Variants in ARHGAP29 observed in about 807,000 individuals in gnomAD.
ARHGAP29 encodes the protein rho GTPase-activating protein 29.
Under a neutral mutation model 122.6 loss-of-function variants are expected in ARHGAP29, and 43 were observed. That is an observed-to-expected ratio of 0.35 (90% CI 0.27 to 0.45). The LOEUF is 0.45. ARHGAP29 is among the 20% of genes least tolerant of loss of function. The pLI is 1.00. For missense variants in ARHGAP29, 1,303 were observed against 1,477.2 expected (o/e 0.88, Z 1.93); for synonymous variants, 506 against 497.1 (o/e 1.02, Z -0.24).
At chr1:94,212,868 T>C (rs1651726725) in intron 3 of ARHGAP29, among the ~76,000 whole-genome samples, 1 of 152,188 alleles carries the variant, frequency 6.6e-6, no homozygotes, top group Non-Finnish European at 1.5e-5. Flanking sequence ...TAAATATACC[T>C]ACTCTTTCCT....
intron 12 of ARHGAP29, among the ~76,000 whole-genome samples, chr1:94,200,968 C>T (rs1359377932): frequency 6.6e-6 from 1 of 152,084 alleles, no homozygotes; most frequent in Non-Finnish European, 1.5e-5. Flanking sequence ...GCAGTACTTA[C>T]ACAAATTTGT....
chr1:94,237,505 T>A lies in ARHGAP29; in HGVS notation c.-123A>T. ...CGAGGGCTGGAGCTCGCTGCCCCCA[T>A]CCCCCACGGCCTGCGGACGCCCGGC... On this transcript the variant is annotated 5_prime_UTR_variant, in exon 1 of 23. An upstream start codon of the reference 5' UTR is lost. Coordinates refer to ENST00000260526, the MANE Select transcript of ARHGAP29 (RefSeq NM_004815.4). The A allele has an allele frequency of 2.0e-6, 2 of 987,906 alleles. No homozygotes were observed. Among genetic ancestry groups the A allele is most frequent in the South Asian group, 9.0e-5 (2 of 22,220 alleles). The allele number at this position is 987,906 out of a possible 1,614,324, so 61.2% of individuals were successfully genotyped here.
chr1:94,199,917 G>T (rs1466466020), intron 12 of ARHGAP29, among the ~76,000 whole-genome samples: 3 of 152,078 alleles, frequency 2.0e-5, no homozygotes, highest in Non-Finnish European at 4.4e-5. Flanking sequence ...CATCCTGTGG[G>T]TATAATTTTA....
the ARHGAP29 span, among the ~76,000 whole-genome samples, chr1:94,282,898 A>G: frequency 5.3e-5 from 8 of 152,328 alleles, no homozygotes; most frequent in Admixed American, 4.6e-4. Context: ...GTGAATCTAA[A>G]TAACTCAAGT....
At chr1:94,192,329 T>G (rs1157108203) in intron 12 of ARHGAP29, 1 of 152,164 alleles carries the variant, frequency 6.6e-6, no homozygotes, top group Non-Finnish European at 1.5e-5. Context: ...TGCCCTCTTT[T>G]CCAGCCCATG....
chr1:94,171,177 T>C lies in ARHGAP29; in HGVS notation c.*2692A>G, dbSNP rs187403734. Among the ~76,000 whole-genome samples the C allele has an allele frequency of 2.5e-4, 38 of 152,210 alleles. No homozygotes were observed. Among genetic ancestry groups the C allele is most frequent in the Non-Finnish European group, 5.3e-4 (36 of 68,032 alleles). On this transcript the variant is annotated 3_prime_UTR_variant, in exon 23 of 23. Transcript: ENST00000260526. ...ATAGCTGGGAATAGTGTAGCCATAG[T>C]ACCATCTTTAAATCACCCAAATAAC...
the ARHGAP29 span, among the ~76,000 whole-genome samples, chr1:94,288,314 C>T: frequency 5.6e-3 from 852 of 152,230 alleles, 5 homozygotes; most frequent in Non-Finnish European, 8.2e-3. Context: ...AGTGTCTGTT[C>T]GTATCCTTTG....
intron 1 of ARHGAP29, among the ~76,000 whole-genome samples, chr1:94,269,731 G>T (rs1654917647): frequency 6.6e-6 from 1 of 152,184 alleles, no homozygotes; most frequent in Non-Finnish European, 1.5e-5. Context: ...CATTGTTAAA[G>T]GTGCTGGGGG....
intron 1 of ARHGAP29, among the ~76,000 whole-genome samples, chr1:94,248,895 T>A (rs896724738): frequency 1.3e-5 from 2 of 152,182 alleles, no homozygotes; most frequent in African/African-American, 4.8e-5. Context: ...TTATGTTTTG[T>A]GGAGATGGAG....
the ARHGAP29 span, among the ~76,000 whole-genome samples, chr1:94,291,380 A>T: frequency 6.6e-6 from 1 of 152,318 alleles, no homozygotes; most frequent in East Asian, 1.9e-4. Flanking sequence ...AATACAGCAC[A>T]CTGATGGGTC....
intron 19 of ARHGAP29, 57 bp from the exon 20 acceptor site, chr1:94,180,014 A>T (rs1649355083): frequency 8.8e-7 from 1 of 1,140,926 alleles, no homozygotes; most frequent in Non-Finnish European, 1.2e-6. Flanking sequence ...TTAATAATCA[A>T]CTATTACTAA....
upstream of ARHGAP29, among the ~76,000 whole-genome samples, chr1:94,238,064 T>A (rs1570590560): frequency 7.2e-6 from 1 of 138,314 alleles, no homozygotes; most frequent in Non-Finnish European, 1.6e-5. Context: ...TTTTTTTTTT[T>A]TTTTTTTTTT....
the ARHGAP29 span, among the ~76,000 whole-genome samples, chr1:94,293,248 C>T: frequency 0.048 from 7,242 of 152,286 alleles, 606 homozygotes; most frequent in African/African-American, 0.17. Flanking sequence ...GCTGCGCTGG[C>T]AGCGAGCAAG....
intron 1 of ARHGAP29, among the ~76,000 whole-genome samples, 181 bp downstream of exon 1, chr1:94,237,234 G>A (rs573734059): frequency 2.0e-5 from 3 of 152,136 alleles, no homozygotes; most frequent in South Asian, 2.1e-4. Flanking sequence ...GACCCTTCCC[G>A]TGGACTCCAG....
intron 1 of ARHGAP29, among the ~76,000 whole-genome samples, chr1:94,268,117 AGT>A (rs946467208): frequency 6.6e-6 from 1 of 152,174 alleles, no homozygotes; most frequent in Non-Finnish European, 1.5e-5. Context: ...TTTTAAAATT[AGT>A]GTGTCTGTTT....
At chr1:94,221,470 T>C (rs913469844) in intron 2 of ARHGAP29, among the ~76,000 whole-genome samples, 1 of 151,732 alleles carries the variant, frequency 6.6e-6, no homozygotes, top group Non-Finnish European at 1.5e-5. Flanking sequence ...TGGGTCATAC[T>C]CATTTAGTAT....
At chr1:94,265,564 C>G (rs961698728) in intron 1 of ARHGAP29, among the ~76,000 whole-genome samples, 4 of 152,208 alleles carry the variant, frequency 2.6e-5, no homozygotes, top group Admixed American at 2.0e-4. Context: ...ACTGAAGAAA[C>G]TCTAAGAAAT....
chr1:94,201,620 A>G, intron 12 of ARHGAP29, 100 bp downstream of exon 12: 2 of 1,460,814 alleles, frequency 1.4e-6, no homozygotes, highest in South Asian at 2.5e-5. Flanking sequence ...TGATCCTCCC[A>G]CCTCAGCCTC....
At position 94,169,775 on chromosome 1, in the gene ARHGAP29, A is replaced by G. The variant is rs961165601; in HGVS notation, c.*4094T>C. ...CTAGACTTGGGGTAGGGAGTAGGAAAAAGTGTAAGATGAGCTCGTAAAAAA... is the reference window on the plus strand; with the variant it reads ...CTAGACTTGGGGTAGGGAGTAGGAAGAAGTGTAAGATGAGCTCGTAAAAAA... On this transcript the variant is annotated 3_prime_UTR_variant, in exon 23 of 23. Transcript: ENST00000260526. Among the ~76,000 whole-genome samples, 2 of 152,130 alleles carry G rather than the reference A, an allele frequency of 1.3e-5. No homozygotes were observed. Among genetic ancestry groups the G allele is most frequent in the Admixed American group, 6.5e-5 (1 of 15,274 alleles).
Sources: gnomAD v4.1 joint callset for allele counts (sites outside exome capture counted in the v4.1 genomes callset) on GRCh38, gnomAD v4.1.1 for gene constraint, MANE v1.5 for transcripts, NCBI Gene and HGNC (gene_info 2026-07-23, HGNC 2026-07-21) for gene names.